The following PDE4D variants were observed in gnomAD, a reference collection of about 807,000 sequenced individuals.
PDE4D encodes the protein 3',5'-cyclic-AMP phosphodiesterase 4D.
A neutral mutation model predicts 87.4 loss-of-function variants in PDE4D; 24 were observed. The ratio of observed to expected loss-of-function variants is 0.27; its 90% CI spans 0.20 to 0.39. The LOEUF (loss-of-function observed/expected upper bound fraction) is 0.39, where lower values mean the gene tolerates loss of function less well. Ranked by LOEUF, PDE4D falls within the 10% of genes least tolerant of loss-of-function variation. The probability of loss-of-function intolerance (pLI) is 1.00; values close to 1 mark genes in which losing one functional copy is unlikely to be tolerated. For synonymous variants in PDE4D, 384 were observed against 383.2 expected (o/e 1.00, Z -0.02); for missense variants, 714 against 1,041.0 (o/e 0.69, Z 4.32).
chr5:59,533,554 T>A (rs188935404), intron 1 of PDE4D, among the ~76,000 whole-genome samples: 1 of 152,178 alleles, frequency 6.6e-6, no homozygotes, highest in Non-Finnish European at 1.5e-5. Context: ...AACATTACAG[T>A]GTTTGGCGAC....
chr5:59,486,553 T>C (rs1025598244), intron 1 of PDE4D, among the ~76,000 whole-genome samples: 5 of 152,232 alleles, frequency 3.3e-5, no homozygotes, highest in African/African-American at 1.2e-4. Context: ...ACATGTTTTA[T>C]TTCAGTTAAC....
intron 1 of PDE4D, among the ~76,000 whole-genome samples, chr5:59,571,321 C>G (rs531733437): frequency 6.6e-6 from 1 of 152,322 alleles, no homozygotes; most frequent in East Asian, 1.9e-4. Context: ...TGTGAAGACT[C>G]AGGTACTGAA....
At chr5:60,170,424 G>A (rs1014282666) in intron 2 of PDE4D, among the ~76,000 whole-genome samples, 4 of 151,906 alleles carry the variant, frequency 2.6e-5, no homozygotes, top group African/African-American at 9.7e-5. Flanking sequence ...CAGATCTCAG[G>A]TAAGGATTTG....
chr5:60,392,903 T>C (rs765919876), intron 1 of PDE4D, among the ~76,000 whole-genome samples: 5 of 152,208 alleles, frequency 3.3e-5, no homozygotes, highest in African/African-American at 7.2e-5. Flanking sequence ...ACAGGGAAGA[T>C]TGTAAACTTC....
chr5:59,332,949 G>T (rs535385134), intron 1 of PDE4D, among the ~76,000 whole-genome samples: 2 of 152,292 alleles, frequency 1.3e-5, no homozygotes, highest in South Asian at 4.1e-4. Flanking sequence ...CTTTGCAAAT[G>T]GTGATAACAT....
chr5:60,242,702 T>C (rs1346618904), intron 1 of PDE4D, among the ~76,000 whole-genome samples: 2 of 151,944 alleles, frequency 1.3e-5, no homozygotes, highest in South Asian at 2.1e-4. Flanking sequence ...AACAGACACA[T>C]AGAAATTAAA....
chr5:59,027,343 T>A (rs2936191), intron 6 of PDE4D, among the ~76,000 whole-genome samples: 2,630 of 152,280 alleles, frequency 0.017, 67 homozygotes, highest in African/African-American at 0.049. Context: ...TAGTGATAGG[T>A]TTCTCCACTA....
At chr5:59,104,516 G>A (rs1009316482) in intron 5 of PDE4D, among the ~76,000 whole-genome samples, 1 of 152,098 alleles carries the variant, frequency 6.6e-6, no homozygotes, top group African/African-American at 2.4e-5. Context: ...GAATCTAAAG[G>A]GATACATAGC....
At chr5:59,025,530 A>G (rs1756054358) in intron 6 of PDE4D, among the ~76,000 whole-genome samples, 1 of 152,216 alleles carries the variant, frequency 6.6e-6, no homozygotes, top group South Asian at 2.1e-4. Context: ...CTATAGTGAA[A>G]TATCTGTTTT....
intron 1 of PDE4D, among the ~76,000 whole-genome samples, chr5:59,785,301 T>C (rs1270712171): frequency 6.6e-6 from 1 of 152,238 alleles, no homozygotes; most frequent in African/African-American, 2.4e-5. Context: ...CTAGCTTTCA[T>C]TTGTGATTAT....
At chr5:60,190,127 G>A (rs1169054472) in intron 1 of PDE4D, among the ~76,000 whole-genome samples, 2 of 152,122 alleles carry the variant, frequency 1.3e-5, no homozygotes, top group African/African-American at 2.4e-5. Context: ...ATTTATCAAG[G>A]TTTACTCACC....
chr5:59,533,393 T>C (rs1814576416), intron 1 of PDE4D, among the ~76,000 whole-genome samples: 1 of 152,234 alleles, frequency 6.6e-6, no homozygotes, highest in African/African-American at 2.4e-5. Context: ...CCTTAGCAAA[T>C]CTGTAATGCC....
intron 3 of PDE4D, among the ~76,000 whole-genome samples, chr5:59,924,516 C>T (rs904205327): frequency 6.6e-6 from 1 of 150,752 alleles, no homozygotes; most frequent in African/African-American, 2.4e-5. Flanking sequence ...TATAGTGGCG[C>T]TCCAAAATGT....
At chr5:59,969,220 T>C (rs1371961726) in intron 3 of PDE4D, among the ~76,000 whole-genome samples, 7 of 152,152 alleles carry the variant, frequency 4.6e-5, no homozygotes, top group Admixed American at 2.6e-4. Flanking sequence ...CCATTCACAT[T>C]AGAACAAGGC....
rs143152527 is a variant in PDE4D at position 59,120,008 on chromosome 5, C to T, written c.808+60587G>A. ...TGCAGACATGCACTACTCTGCTTGG[C>T]TAATTTTTTTATTCTTAGTAGAGTC... On this transcript the variant is annotated intron_variant, in intron 5 of 14. Transcript: ENST00000340635. 2.0e-5 allele frequency among the ~76,000 whole-genome samples: 3 copies of T among 152,044 alleles called. No homozygotes were observed. The East Asian group carries it at 5.8e-4, about 30-fold the overall frequency.
At chr5:59,281,707 G>A (rs1765828637) in intron 1 of PDE4D, among the ~76,000 whole-genome samples, 1 of 152,044 alleles carries the variant, frequency 6.6e-6, no homozygotes, top group Non-Finnish European at 1.5e-5. Flanking sequence ...CTCATTAATA[G>A]TAACTTCCTA....
intron 1 of PDE4D, among the ~76,000 whole-genome samples, chr5:59,413,099 T>C (rs1792971380): frequency 1.3e-5 from 2 of 152,172 alleles, no homozygotes; most frequent in Admixed American, 1.3e-4. Flanking sequence ...CTGCCCTTTT[T>C]CAGGAAAAAG....
intron 1 of PDE4D, among the ~76,000 whole-genome samples, chr5:59,266,820 A>C (rs1406807181): frequency 6.6e-6 from 1 of 152,082 alleles, no homozygotes; most frequent in Non-Finnish European, 1.5e-5. Context: ...TGTGTAGCCA[A>C]AGCAGTTTAG....
intron 1 of PDE4D, among the ~76,000 whole-genome samples, chr5:59,862,007 T>G (rs1214085338): frequency 2.0e-5 from 3 of 152,178 alleles, no homozygotes; most frequent in African/African-American, 7.2e-5. Context: ...TAGAACAACT[T>G]GCTTGTCCTC....
Sources: gnomAD v4.1 joint callset for allele counts (sites outside exome capture counted in the v4.1 genomes callset) on GRCh38, gnomAD v4.1.1 for gene constraint, MANE v1.5 for transcripts, NCBI Gene and HGNC (gene_info 2026-07-23, HGNC 2026-07-21) for gene names.